Variants in PHF21A observed in about 807,000 individuals in gnomAD.
The protein encoded by PHF21A is PHD finger protein 21A, also known as BHC80a.
A neutral mutation model predicts 82.5 loss-of-function variants in PHF21A; 11 were observed. The ratio of observed to expected loss-of-function variants is 0.13; its 90% confidence interval spans 0.08 to 0.22. The LOEUF is 0.22. Among genes scored for constraint, PHF21A ranks in the 10% least tolerant of loss-of-function variants. The pLI is 1.00. For synonymous variants in PHF21A, 297 were observed against 302.8 expected (o/e 0.98, Z 0.20); for missense variants, 579 against 837.8 (o/e 0.69, Z 3.81).
intron 6 of PHF21A, among the ~76,000 whole-genome samples, chr11:46,030,224 G>A (rs1325356364): frequency 3.3e-5 from 5 of 152,220 alleles, no homozygotes; most frequent in Non-Finnish European, 2.9e-5. Context: ...CAGAGAATAA[G>A]ACCAAGGTAC....
chr11:46,109,514 A>G (rs1341890058), intron 1 of PHF21A, among the ~76,000 whole-genome samples: 1 of 151,746 alleles, frequency 6.6e-6, no homozygotes, highest in East Asian at 1.9e-4. Context: ...CATAAAAATA[A>G]AATTTATATA....
rs576294319 is a variant in PHF21A at position 45,933,230 on chromosome 11, C to A, written c.*738G>T. 2 of 152,624 alleles carry A rather than the reference C, an allele frequency of 1.3e-5. No homozygotes were observed. Among genetic ancestry groups the A allele is most frequent in the Non-Finnish European group, 2.9e-5 (2 of 68,028 alleles). The allele number at this position is 152,624 out of a possible 1,614,324, so 9.5% of individuals were successfully genotyped here. ...AGACAGCGGGATAACCACGGAGATG[C>A]GCGACTCACCAAGCAGGGAAGGAAG... On this transcript the variant is annotated 3_prime_UTR_variant, in exon 19 of 19. Coordinates refer to ENST00000676320, the MANE Select transcript of PHF21A (RefSeq NM_001352027.3).
At chr11:45,950,359 G>A (rs957638669) in intron 11 of PHF21A, 102 bp from the exon 12 acceptor site, 49 of 891,836 alleles carry the variant, frequency 5.5e-5, no homozygotes, top group African/African-American at 1.7e-4. Flanking sequence ...CCCAATGGGC[G>A]GGTCTCATGA....
At chr11:46,112,300 T>C (rs1056661793) in intron 1 of PHF21A, among the ~76,000 whole-genome samples, 1 of 152,140 alleles carries the variant, frequency 6.6e-6, no homozygotes, top group East Asian at 1.9e-4. Context: ...CAAATTATAT[T>C]GTAAAAAGAG....
intron 6 of PHF21A, among the ~76,000 whole-genome samples, chr11:45,990,417 C>G (rs1265662082): frequency 6.6e-5 from 10 of 151,760 alleles, no homozygotes; most frequent in Admixed American, 5.9e-4. Context: ...CACCACCACG[C>G]CCGGCTAATT....
intron 6 of PHF21A, among the ~76,000 whole-genome samples, chr11:46,034,370 C>T (rs1414029639): frequency 6.6e-6 from 1 of 152,014 alleles, no homozygotes; most frequent in Non-Finnish European, 1.5e-5. Flanking sequence ...TGCAATTTTG[C>T]TTTTACTGCC....
chr11:46,105,634 A>G (rs558629943), intron 1 of PHF21A, among the ~76,000 whole-genome samples: 5 of 152,340 alleles, frequency 3.3e-5, no homozygotes, highest in African/African-American at 7.2e-5. Context: ...ACACAAAAGG[A>G]ATGAATGAGT....
At chr11:46,050,909 T>A (rs1450004042) in intron 6 of PHF21A, among the ~76,000 whole-genome samples, 1 of 152,190 alleles carries the variant, frequency 6.6e-6, no homozygotes, top group Non-Finnish European at 1.5e-5. Flanking sequence ...TTAACATGAG[T>A]TAATCTGCTT....
Position 45,933,053 on chromosome 11 carries a change from G to C in PHF21A, c.*915C>G, listed in dbSNP as rs1394371148. The C allele has an allele frequency of 6.6e-6, 1 of 152,640 alleles. No homozygotes were observed. The highest frequency in any genetic ancestry group is 1.5e-5 in the Non-Finnish European group (1 of 68,042). 9.5% of individuals were successfully genotyped at this position (152,640 alleles called of 1,614,324 possible). ...CTGGGTCGCGTGCTGCTTCACTCAAGATCTTCTCTTCTTATAAATATAGAA... is the reference window on the plus strand; with the variant it reads ...CTGGGTCGCGTGCTGCTTCACTCAACATCTTCTCTTCTTATAAATATAGAA... On this transcript the variant is annotated 3_prime_UTR_variant, in exon 19 of 19. Coordinates refer to ENST00000676320, the MANE Select transcript of PHF21A (RefSeq NM_001352027.3).
chr11:45,958,624 A>G (rs1266907434), intron 10 of PHF21A, among the ~76,000 whole-genome samples: 2 of 150,982 alleles, frequency 1.3e-5, no homozygotes, highest in Admixed American at 6.6e-5. Flanking sequence ...AACGAAAAAA[A>G]TTAAATTATA....
At chr11:45,973,642 TG>T (rs2093883587) in intron 7 of PHF21A, among the ~76,000 whole-genome samples, 1 of 152,326 alleles carries the variant, frequency 6.6e-6, no homozygotes, top group African/African-American at 2.4e-5. Flanking sequence ...TTATTAGAAA[TG>T]GTATATTAAT....
At chr11:46,059,511 G>C (rs1022170041) in intron 6 of PHF21A, among the ~76,000 whole-genome samples, 1 of 151,904 alleles carries the variant, frequency 6.6e-6, no homozygotes, top group Non-Finnish European at 1.5e-5. Context: ...CTGTAACCTC[G>C]AATTCCTGGG....
intron 6 of PHF21A, among the ~76,000 whole-genome samples, chr11:46,057,292 GGAGA>G (rs901366171): frequency 2.0e-5 from 3 of 152,076 alleles, no homozygotes; most frequent in Non-Finnish European, 2.9e-5. Flanking sequence ...AAGTTTTATG[GGAGA>G]GAGTTTCCCA....
At chr11:45,997,748 T>C (rs2094958743) in intron 6 of PHF21A, among the ~76,000 whole-genome samples, 2 of 152,230 alleles carry the variant, frequency 1.3e-5, no homozygotes, top group South Asian at 2.1e-4. Flanking sequence ...CATCTGTTTA[T>C]GTGTGCTGCT....
intron 1 of PHF21A, among the ~76,000 whole-genome samples, chr11:46,104,957 T>C (rs1337064533): frequency 6.6e-6 from 1 of 152,230 alleles, no homozygotes. Context: ...AATACTTGTC[T>C]CAATCCTTGA....
chr11:45,971,085 G>A, intron 8 of PHF21A, 31 bp downstream of exon 8: 1 of 1,612,022 alleles, frequency 6.2e-7, no homozygotes, highest in Admixed American at 1.7e-5. Flanking sequence ...CTTCTCATGT[G>A]ATCACACATG....
intron 6 of PHF21A, among the ~76,000 whole-genome samples, chr11:45,991,871 C>T (rs1181098399): frequency 6.6e-6 from 1 of 152,182 alleles, no homozygotes; most frequent in Non-Finnish European, 1.5e-5. Flanking sequence ...TCCTGACACA[C>T]CCAAAGAAGC....
At chr11:46,084,006 A>G (rs187448260) in intron 4 of PHF21A, among the ~76,000 whole-genome samples, 160 bp downstream of exon 4, 1 of 152,332 alleles carries the variant, frequency 6.6e-6, no homozygotes, top group East Asian at 1.9e-4. Flanking sequence ...AGCAGTATCT[A>G]TGACTTTGTC....
chr11:46,028,189 T>G (rs191798218), intron 6 of PHF21A, among the ~76,000 whole-genome samples: 51 of 152,302 alleles, frequency 3.3e-4, no homozygotes, highest in African/African-American at 1.2e-3. Context: ...CCCAAAAATT[T>G]CAACATTCCA....
Sources: allele counts gnomAD v4.1 joint callset (sites outside exome capture counted in the v4.1 genomes callset), GRCh38; gene constraint gnomAD v4.1.1; transcripts MANE v1.5; gene names NCBI Gene and HGNC (gene_info 2026-07-23, HGNC 2026-07-21).